DCAF5: variants seen among roughly 807,000 people sequenced by gnomAD.
The protein encoded by DCAF5 is DDB1 and CUL4 associated factor 5.
A neutral mutation model predicts 80.7 loss-of-function variants in DCAF5; 9 were observed. The ratio of observed to expected loss-of-function variants is 0.11; its 90% CI spans 0.07 to 0.19. DCAF5 has a LOEUF of 0.19. Ranked by LOEUF, DCAF5 falls within the 10% of genes least tolerant of loss-of-function variation. The pLI, the probability that DCAF5 is intolerant of heterozygous loss-of-function variation, is 1.00. For synonymous variants in DCAF5, 433 were observed against 461.9 expected (o/e 0.94, Z 0.80); for missense variants, 842 against 1,205.7 (o/e 0.70, Z 4.47).
chr14:69,075,896 C>T (rs1053484044), intron 6 of DCAF5, among the ~76,000 whole-genome samples: 1 of 152,026 alleles, frequency 6.6e-6, no homozygotes, highest in Non-Finnish European at 1.5e-5. Flanking sequence ...CTTAAAAATA[C>T]CTGCAAATCA....
At chr14:69,106,967 A>C in intron 5 of DCAF5, among the ~76,000 whole-genome samples, 1 of 152,132 alleles carries the variant, frequency 6.6e-6, no homozygotes, top group East Asian at 1.9e-4. Context: ...GCCTGAACCC[A>C]AGAGGTGGAA....
intron 1 of DCAF5, among the ~76,000 whole-genome samples, chr14:69,123,184 G>A (rs895186150): frequency 5.9e-5 from 9 of 152,170 alleles, no homozygotes; most frequent in African/African-American, 1.9e-4. Flanking sequence ...AGCTAATGCA[G>A]AAAGATGTCC....
At chr14:69,077,564 CA>C (rs1315021595) in intron 6 of DCAF5, among the ~76,000 whole-genome samples, 2 of 151,690 alleles carry the variant, frequency 1.3e-5, no homozygotes, top group African/African-American at 4.8e-5. Flanking sequence ...TTTATAGTGA[CA>C]GGGGTCTCAC....
intron 6 of DCAF5, among the ~76,000 whole-genome samples, chr14:69,082,380 T>C (rs2039139517): frequency 6.6e-6 from 1 of 152,234 alleles, no homozygotes; most frequent in Non-Finnish European, 1.5e-5. Context: ...CTTTGAGCCA[T>C]TTGCCATTTC....
chr14:69,146,317 TTAAAGTAGA>T (rs1452203492), intron 1 of DCAF5, among the ~76,000 whole-genome samples: 2 of 152,236 alleles, frequency 1.3e-5, no homozygotes, highest in African/African-American at 2.4e-5. Context: ...CTAGGTTATT[TTAAAGTAGA>T]AGTGACAAAC....
intron 7 of DCAF5, among the ~76,000 whole-genome samples, chr14:69,071,008 G>A (rs1012071798): frequency 2.0e-5 from 3 of 152,120 alleles, no homozygotes; most frequent in Admixed American, 2.0e-4. Context: ...ATGTTAGCCA[G>A]ATTGGTCTCA....
intron 6 of DCAF5, chr14:69,090,001 T>G (rs2039475627): frequency 1.0e-6 from 1 of 985,346 alleles, no homozygotes; most frequent in Non-Finnish European, 1.2e-6. Context: ...AAGATAGGCT[T>G]TGTTGCTAAA....
At chr14:69,103,459 C>G (rs1028113772) in intron 5 of DCAF5, among the ~76,000 whole-genome samples, 2 of 152,128 alleles carry the variant, frequency 1.3e-5, no homozygotes, top group African/African-American at 2.4e-5. Flanking sequence ...AGATTCAGAG[C>G]AAGACACAAG....
At chr14:69,100,516 A>G (rs1022818841) in intron 5 of DCAF5, among the ~76,000 whole-genome samples, 13 of 152,230 alleles carry the variant, frequency 8.5e-5, no homozygotes, top group African/African-American at 3.1e-4. Flanking sequence ...CTTCTCAATG[A>G]GGGCAAATAA....
At chr14:69,145,632 T>TA (rs1333448924) in intron 1 of DCAF5, among the ~76,000 whole-genome samples, 1 of 151,768 alleles carries the variant, frequency 6.6e-6, no homozygotes, top group Non-Finnish European at 1.5e-5. Context: ...ATGTAAGGGT[T>TA]AATTCAAATT....
intron 1 of DCAF5, among the ~76,000 whole-genome samples, chr14:69,128,295 T>C: frequency 6.6e-6 from 1 of 151,844 alleles, no homozygotes; most frequent in East Asian, 1.9e-4. Context: ...CAACTGATTA[T>C]CCTGCCTCGG....
chr14:69,099,994 G>A (rs1490441305), intron 5 of DCAF5, among the ~76,000 whole-genome samples: 4 of 152,148 alleles, frequency 2.6e-5, no homozygotes, highest in Admixed American at 1.3e-4. Flanking sequence ...AGCTTTAAAA[G>A]GAAGCCAATT....
At chr14:69,102,539 ATTCT>A (rs1402587609) in intron 5 of DCAF5, among the ~76,000 whole-genome samples, 9 of 140,340 alleles carry the variant, frequency 6.4e-5, no homozygotes, top group Non-Finnish European at 1.2e-4. Flanking sequence ...TTATATCCTT[ATTCT>A]TTTTTTTTTT....
intron 1 of DCAF5, among the ~76,000 whole-genome samples, chr14:69,123,697 G>A (rs2040793643): frequency 6.6e-6 from 1 of 152,060 alleles, no homozygotes. Context: ...CCTAGTCACT[G>A]TTCTTTTTTT....
intron 1 of DCAF5, among the ~76,000 whole-genome samples, chr14:69,124,360 A>G (rs2040813937): frequency 6.6e-6 from 1 of 152,102 alleles, no homozygotes; most frequent in Non-Finnish European, 1.5e-5. Flanking sequence ...TTTACTTTCT[A>G]CCTTCCTATA....
At chr14:69,124,861 TA>T (rs776802374) in intron 1 of DCAF5, among the ~76,000 whole-genome samples, 4 of 152,140 alleles carry the variant, frequency 2.6e-5, no homozygotes, top group South Asian at 4.1e-4. Flanking sequence ...TCTGCTACTA[TA>T]TTTTTTTTTA....
chr14:69,059,433 C>G (rs1261993860), intron 8 of DCAF5, among the ~76,000 whole-genome samples: 1 of 152,174 alleles, frequency 6.6e-6, no homozygotes, highest in Admixed American at 6.5e-5. Context: ...CACTGATCCT[C>G]TCAGAAATAG....
At chr14:69,144,388 C>G (rs911727147) in intron 1 of DCAF5, among the ~76,000 whole-genome samples, 1 of 151,882 alleles carries the variant, frequency 6.6e-6, no homozygotes, top group African/African-American at 2.4e-5. Context: ...CTGGCTAACA[C>G]GGTGAAACCC....
chr14:69,139,508 G>GA (rs1022768117), intron 1 of DCAF5, among the ~76,000 whole-genome samples: 1 of 151,008 alleles, frequency 6.6e-6, no homozygotes, highest in Non-Finnish European at 1.5e-5. Context: ...TCACAAGAAA[G>GA]AAAAGAAAAA....
Sources: gnomAD v4.1 joint callset for allele counts (sites outside exome capture counted in the v4.1 genomes callset) on GRCh38, gnomAD v4.1.1 for gene constraint, MANE v1.5 for transcripts, NCBI Gene and HGNC (gene_info 2026-07-23, HGNC 2026-07-21) for gene names.